SHANK2: variants seen among roughly 807,000 people sequenced by gnomAD.
SHANK2 encodes SH3 and multiple ankyrin repeat domains protein 2.
Under a neutral mutation model 133.7 loss-of-function variants are expected in SHANK2, and 43 were observed. The ratio of observed to expected loss-of-function variants is 0.32; its 90% CI spans 0.25 to 0.41. SHANK2 has a LOEUF of 0.41. SHANK2 is among the 10% of genes least tolerant of loss of function. SHANK2 has a pLI of 1.00. For synonymous variants in SHANK2, 1,017 were observed against 952.8 expected (o/e 1.07, Z -1.24); for missense variants, 1,994 against 2,235.8 (o/e 0.89, Z 2.18).
chr11:71,199,172 G>A (rs1953971120), intron 2 of SHANK2, among the ~76,000 whole-genome samples: 1 of 152,206 alleles, frequency 6.6e-6, no homozygotes, highest in African/African-American at 2.4e-5. Context: ...AGCGTTCTCA[G>A]CTCTGCCACT....
At chr11:71,067,186 C>T (rs1009757113) in intron 9 of SHANK2, among the ~76,000 whole-genome samples, 2 of 152,200 alleles carry the variant, frequency 1.3e-5, no homozygotes, top group South Asian at 2.1e-4. Flanking sequence ...CCCATGATGG[C>T]CCCATGGGAG....
chr11:70,545,054 G>T (rs1005798549), intron 17 of SHANK2, among the ~76,000 whole-genome samples: 7 of 152,202 alleles, frequency 4.6e-5, no homozygotes, highest in Non-Finnish European at 1.0e-4. Context: ...AGGATGGGCC[G>T]GTGGCAAGAG....
chr11:71,100,655 T>G (rs1951702322), intron 6 of SHANK2, among the ~76,000 whole-genome samples: 1 of 152,030 alleles, frequency 6.6e-6, no homozygotes, highest in Non-Finnish European at 1.5e-5. Flanking sequence ...GATCATGAGG[T>G]CAGGAGATCG....
chr11:70,894,342 C>T (rs142457693), intron 11 of SHANK2, among the ~76,000 whole-genome samples: 1,973 of 152,268 alleles, frequency 0.013, 43 homozygotes, highest in African/African-American at 0.044. Context: ...TGCCTGCCAC[C>T]ACACCCAGCT....
intron 14 of SHANK2, among the ~76,000 whole-genome samples, chr11:70,700,477 G>A (rs368096550): frequency 3.9e-5 from 6 of 152,240 alleles, no homozygotes; most frequent in South Asian, 2.1e-4. Flanking sequence ...CGCATTGCAC[G>A]ATTACCAGAT....
At chr11:71,218,952 A>G (rs1954475740) in intron 2 of SHANK2, among the ~76,000 whole-genome samples, 1 of 152,158 alleles carries the variant, frequency 6.6e-6, no homozygotes, top group South Asian at 2.1e-4. Flanking sequence ...ACCCAGAGAG[A>G]GTGGCATCTG....
intron 14 of SHANK2, among the ~76,000 whole-genome samples, chr11:70,720,532 G>A (rs1211056060): frequency 1.3e-5 from 2 of 152,242 alleles, no homozygotes; most frequent in African/African-American, 4.8e-5. Context: ...TGTGGAAAGT[G>A]TCTCAGTTGA....
intron 14 of SHANK2, among the ~76,000 whole-genome samples, chr11:70,776,622 T>C (rs541662391): frequency 2.5e-4 from 38 of 152,240 alleles, no homozygotes; most frequent in African/African-American, 8.4e-4. Flanking sequence ...GAGCTGTGTA[T>C]GAAAGGTAGA....
At chr11:70,488,256 G>A (rs1270091246) in intron 24 of SHANK2, among the ~76,000 whole-genome samples, 1 of 152,186 alleles carries the variant, frequency 6.6e-6, no homozygotes, top group Non-Finnish European at 1.5e-5. Context: ...TGAAATGAGA[G>A]CAAAGGGTTG....
chr11:70,902,023 G>T (rs1317036201), intron 10 of SHANK2, among the ~76,000 whole-genome samples: 1 of 152,198 alleles, frequency 6.6e-6, no homozygotes, highest in African/African-American at 2.4e-5. Context: ...AGGGAGCCCT[G>T]AAAAACAGCA....
chr11:71,161,663 CCT>C (rs1384715465), intron 2 of SHANK2, among the ~76,000 whole-genome samples: 10 of 152,198 alleles, frequency 6.6e-5, no homozygotes, highest in Admixed American at 5.2e-4. Flanking sequence ...GAAACCCTCC[CCT>C]GACTCCACTT....
chr11:71,063,561 T>C (rs1055833423), intron 9 of SHANK2, among the ~76,000 whole-genome samples: 6 of 152,166 alleles, frequency 3.9e-5, no homozygotes, highest in Non-Finnish European at 8.8e-5. Context: ...AGAAGGTTAA[T>C]GTGAAAAACT....
chr11:70,520,491 C>T (rs952534925), intron 17 of SHANK2, among the ~76,000 whole-genome samples: 1 of 152,162 alleles, frequency 6.6e-6, no homozygotes, highest in Non-Finnish European at 1.5e-5. Context: ...CCATTCCTGT[C>T]ACATAGTATC....
At chr11:70,745,408 C>T (rs565525515) in intron 14 of SHANK2, among the ~76,000 whole-genome samples, 22 of 152,340 alleles carry the variant, frequency 1.4e-4, no homozygotes, top group South Asian at 8.3e-4. Context: ...TTGAAACACC[C>T]GTGTCTCAGC....
intron 17 of SHANK2, among the ~76,000 whole-genome samples, chr11:70,559,821 C>T (rs1467252845): frequency 6.6e-6 from 1 of 152,038 alleles, no homozygotes; most frequent in Non-Finnish European, 1.5e-5. Flanking sequence ...ACAAAACAGC[C>T]CTTTCCTCTT....
chr11:70,585,175 C>T (rs559709256), intron 17 of SHANK2, among the ~76,000 whole-genome samples: 5 of 152,360 alleles, frequency 3.3e-5, no homozygotes, highest in South Asian at 4.1e-4. Context: ...CCTGGGAGAC[C>T]GCCTGACTCG....
chr11:71,147,052 G>T, intron 3 of SHANK2, 68 bp downstream of exon 3: 1 of 1,326,078 alleles, frequency 7.5e-7, no homozygotes, highest in South Asian at 1.4e-5. Context: ...ACCAGAGCAG[G>T]CCTCTGGCGT....
intron 14 of SHANK2, among the ~76,000 whole-genome samples, chr11:70,753,418 C>T (rs1161501118): frequency 6.6e-6 from 1 of 152,088 alleles, no homozygotes; most frequent in African/African-American, 2.4e-5. Context: ...AGATAGACCA[C>T]AGCCTGAGTC....
chr11:71,231,991 A>G (rs1490026509), intron 1 of SHANK2, among the ~76,000 whole-genome samples: 6 of 152,232 alleles, frequency 3.9e-5, no homozygotes, highest in Non-Finnish European at 4.4e-5. Context: ...TCAGAAGCTC[A>G]ATGGTTAAAC....
Sources: gnomAD v4.1 joint callset for allele counts (sites outside exome capture counted in the v4.1 genomes callset) on GRCh38, gnomAD v4.1.1 for gene constraint, MANE v1.5 for transcripts, NCBI Gene and HGNC (gene_info 2026-07-23, HGNC 2026-07-21) for gene names.